The following ABCE1 variants were observed in gnomAD, a reference collection of about 807,000 sequenced individuals.
The protein encoded by ABCE1 is ATP binding cassette subfamily E member 1.
ABCE1 carries 22 observed loss-of-function variants against 83.4 expected under a neutral mutation model. That is an observed-to-expected ratio of 0.26 (90% CI 0.19 to 0.38). ABCE1 has a LOEUF of 0.38. ABCE1 is among the 10% of genes least tolerant of loss of function. ABCE1 has a pLI of 1.00. For synonymous variants in ABCE1, 204 were observed against 233.7 expected, an observed-to-expected ratio of 0.87 and a Z score of 1.16; for missense variants, 330 against 721.9, an observed-to-expected ratio of 0.46 and a Z score of 6.22.
intron 9 of ABCE1, among the ~76,000 whole-genome samples, chr4:145,116,505 T>A (rs1749609736): frequency 6.6e-6 from 1 of 151,904 alleles, no homozygotes; most frequent in Non-Finnish European, 1.5e-5. Context: ...TATGGAGAAT[T>A]TTTATTTGTG....
chr4:145,108,976 T>C (rs1379441118), intron 4 of ABCE1, among the ~76,000 whole-genome samples, 156 bp from the exon 5 acceptor site: 3 of 152,210 alleles, frequency 2.0e-5, no homozygotes, highest in Non-Finnish European at 2.9e-5. Context: ...TCTTGGCTGT[T>C]TTTTTCCTAA....
At chr4:145,120,313 A>T (rs1158734754) in intron 11 of ABCE1, among the ~76,000 whole-genome samples, 160 bp downstream of exon 11, 1 of 152,068 alleles carries the variant, frequency 6.6e-6, no homozygotes, top group African/African-American at 2.4e-5. Context: ...TTTTTTTGGC[A>T]TTGTGTAATT....
At chr4:145,110,015 C>CAT in intron 5 of ABCE1, 88 bp from the exon 6 acceptor site, 1 of 1,187,806 alleles carries the variant, frequency 8.4e-7, no homozygotes, top group Non-Finnish European at 1.1e-6. Context: ...GTTCTATTTG[C>CAT]ATATATAATC....
intron 1 of ABCE1, among the ~76,000 whole-genome samples, chr4:145,099,533 A>G (rs891384425): frequency 6.6e-6 from 1 of 152,196 alleles, no homozygotes; most frequent in African/African-American, 2.4e-5. Flanking sequence ...CCTATTTTAA[A>G]AAAGGGAGTT....
chr4:145,104,176 G>T (rs1749232954), intron 1 of ABCE1, among the ~76,000 whole-genome samples: 1 of 150,876 alleles, frequency 6.6e-6, no homozygotes. Flanking sequence ...TAAATCTTCT[G>T]ATTAAAGTAT....
chr4:145,125,459 C>T (rs1392630987), intron 17 of ABCE1, among the ~76,000 whole-genome samples: 1 of 152,014 alleles, frequency 6.6e-6, no homozygotes, highest in African/African-American at 2.4e-5. Flanking sequence ...AAGAGTGAGA[C>T]TCTGTCTAAA....
chr4:145,104,322 T>A, intron 1 of ABCE1, 64 bp from the exon 2 acceptor site: 1 of 601,530 alleles, frequency 1.7e-6, no homozygotes, highest in Non-Finnish European at 2.7e-6. Flanking sequence ...TTTTCCTGTC[T>A]TTCATGTATG....
At chr4:145,122,671 C>T (rs1468105617) in intron 13 of ABCE1, 7 of 163,802 alleles carry the variant, frequency 4.3e-5, no homozygotes, top group Middle Eastern at 6.0e-3. Context: ...ATTGGTTCAG[C>T]ATGGTGGTGC....
At chr4:145,115,371 G>A (rs1749583412) in intron 9 of ABCE1, among the ~76,000 whole-genome samples, 7 of 151,930 alleles carry the variant, frequency 4.6e-5, no homozygotes, top group Admixed American at 4.6e-4. Context: ...AGTATTCCAT[G>A]TAATGGATTA....
chr4:145,119,464 G>A (rs987905074), intron 10 of ABCE1, among the ~76,000 whole-genome samples: 18 of 151,732 alleles, frequency 1.2e-4, no homozygotes, highest in African/African-American at 4.4e-4. Flanking sequence ...TGAACCTGCA[G>A]GATTAATTTT....
chr4:145,109,459 T>C (rs10023133), intron 5 of ABCE1, among the ~76,000 whole-genome samples: 84 of 152,336 alleles, frequency 5.5e-4, no homozygotes, highest in African/African-American at 2.0e-3. Flanking sequence ...TAAGCCTTGA[T>C]CTGAAGCAGA....
At chr4:145,113,489 A>G (rs909170469) in intron 9 of ABCE1, among the ~76,000 whole-genome samples, 6 of 152,180 alleles carry the variant, frequency 3.9e-5, no homozygotes, top group African/African-American at 1.4e-4. Flanking sequence ...GCAACGAACC[A>G]ATATGCTTTC....
intron 3 of ABCE1, among the ~76,000 whole-genome samples, chr4:145,106,133 A>G (rs1054724955): frequency 7.2e-5 from 11 of 151,972 alleles, no homozygotes; most frequent in Non-Finnish European, 4.4e-5. Flanking sequence ...AAATAGCTCA[A>G]TTATTAATAG....
In ABCE1 at chr4:145,127,619, T is replaced by C; in HGVS notation, c.*46T>C. On this transcript the variant is annotated 3_prime_UTR_variant, in exon 18 of 18. Coordinates refer to ENST00000296577, the MANE Select transcript of ABCE1 (RefSeq NM_002940.3). ...TAAGCCATTTATTAAAAGGAGTATT[T>C]ACTAGAATTTTTTGTCATATAAAAC... 6.9e-7 allele frequency: 1 copy of C among 1,454,396 alleles called. No individual in the cohort carries two copies. Among genetic ancestry groups the C allele is most frequent in the Non-Finnish European group, 9.2e-7 (1 of 1,089,916 alleles). The allele number at this position is 1,454,396 out of a possible 1,614,324, so 90.1% of individuals were successfully genotyped here.
chr4:145,110,368 G>C lies in ABCE1; in HGVS notation c.544-7G>C. 6.2e-7 allele frequency: 1 copy of C among 1,612,026 alleles called. No individual in the cohort carries two copies. The highest frequency in any genetic ancestry group is 8.5e-7 in the Non-Finnish European group (1 of 1,179,554). On this transcript the variant is annotated splice_polypyrimidine_tract_variant and splice_region_variant and intron_variant, in intron 6 of 17. Transcript: ENST00000296577. ...AAATAGTAACTGTTTTTGGTATATT[G>C]TGGCAGGGGACAGTGGGATCTATTT...
chr4:145,108,085 A>T lies in ABCE1; in HGVS notation c.260A>T (p.Tyr87Phe). 6.2e-7 allele frequency: 1 copy of T among 1,613,606 alleles called. No homozygotes were observed. Among genetic ancestry groups the T allele is most frequent in the Non-Finnish European group, 8.5e-7 (1 of 1,179,680 alleles). Residue 87 changes from tyrosine (Y) to phenylalanine (F), a missense_variant, in exon 4 of 18, where the codon TAT becomes TTT. Coordinates refer to ENST00000296577, the MANE Select transcript of ABCE1 (RefSeq NM_002940.3). ...TTGGAAAAAGAAACCACACATCGATATTGTGCCAATGCCTTCAAACTTCAC... is the reference window on the plus strand; with the variant it reads ...TTGGAAAAAGAAACCACACATCGATTTTGTGCCAATGCCTTCAAACTTCAC... ...SNLEKETTHR[Y>F]CANAFKLHRL...
chr4:145,107,820 G>C (rs1749349700), intron 3 of ABCE1, among the ~76,000 whole-genome samples, 195 bp from the exon 4 acceptor site: 2 of 152,164 alleles, frequency 1.3e-5, no homozygotes, highest in South Asian at 4.1e-4. Flanking sequence ...CATATACTGA[G>C]AGACAATTGA....
rs1442950671 is a variant in ABCE1 at position 145,117,326 on chromosome 4, A to G, written c.834A>G (p.Val278=). Residue 278 remains valine (V), a synonymous_variant, in exon 10 of 18, where the codon GTA becomes GTG. Coordinates refer to ENST00000296577, the MANE Select transcript of ABCE1 (RefSeq NM_002940.3). ...TTGTGGTGGAACATGATCTAAGTGT[A>G]TTAGACTATCTCTCCGACTTCATCT... is the stretch of plus-strand genomic sequence containing the variant. The part of the protein sequence containing the change: ...YIIVVEHDLS[V]LDYLSDFICC... 2.5e-6 allele frequency: 4 copies of G among 1,609,526 alleles called. No individual in the cohort carries two copies. Among genetic ancestry groups the G allele is most frequent in the African/African-American group, 1.3e-5 (1 of 74,796 alleles).
intron 9 of ABCE1, among the ~76,000 whole-genome samples, chr4:145,113,865 AAGTT>A (rs1398200234): frequency 4.6e-5 from 7 of 152,124 alleles, no homozygotes; most frequent in African/African-American, 1.7e-4. Context: ...AGATCTTAGG[AAGTT>A]ACTAGAATAC....
Sources: gnomAD v4.1 joint callset for allele counts (sites outside exome capture counted in the v4.1 genomes callset) on GRCh38, gnomAD v4.1.1 for gene constraint, MANE v1.5 for transcripts, NCBI Gene and HGNC (gene_info 2026-07-23, HGNC 2026-07-21) for gene names.